KLHDC1: variants seen among roughly 807,000 people sequenced by gnomAD.
KLHDC1 encodes the protein kelch domain containing 1.
A neutral mutation model predicts 68.3 loss-of-function variants in KLHDC1; 53 were observed. That is an observed-to-expected ratio of 0.78 (90% CI 0.62 to 0.98). The LOEUF (loss-of-function observed/expected upper bound fraction) is 0.98. Among genes scored for constraint, KLHDC1 ranks in the 50% least tolerant of loss-of-function variants. KLHDC1 has a pLI of 0.00. For synonymous variants in KLHDC1, 148 were observed against 159.0 expected (o/e 0.93, Z 0.52); for missense variants, 470 against 492.3 (o/e 0.95, Z 0.43).
At chr14:49,725,996 G>T (rs1001579595) in intron 6 of KLHDC1, among the ~76,000 whole-genome samples, 1 of 151,890 alleles carries the variant, frequency 6.6e-6, no homozygotes, top group Non-Finnish European at 1.5e-5. Flanking sequence ...TACAGGCGTG[G>T]ACCACCATGC....
chr14:49,726,696 C>T (rs1055966633), intron 6 of KLHDC1, among the ~76,000 whole-genome samples: 17 of 152,256 alleles, frequency 1.1e-4, no homozygotes, highest in Admixed American at 1.1e-3. Context: ...AATGAATTCT[C>T]ACATAGCTGG....
intron 4 of KLHDC1, among the ~76,000 whole-genome samples, chr14:49,719,805 C>A (rs1047857722): frequency 1.3e-5 from 2 of 150,896 alleles, no homozygotes; most frequent in Non-Finnish European, 1.5e-5. Context: ...CTTTTTATTT[C>A]TTTCCTTTAT....
intron 1 of KLHDC1, among the ~76,000 whole-genome samples, chr14:49,702,168 CAAAA>C (rs56298211): frequency 4.2e-5 from 3 of 70,938 alleles, no homozygotes; most frequent in Admixed American, 1.5e-4. Flanking sequence ...AATTCTGTCT[CAAAA>C]AAAAAAAAAA....
intron 6 of KLHDC1, 134 bp downstream of exon 6, chr14:49,725,903 A>C (rs1169248981): frequency 1.9e-6 from 1 of 527,492 alleles, no homozygotes; most frequent in Non-Finnish European, 3.4e-6. Context: ...GCTGGAGTAC[A>C]GTGGCACAAT....
chr14:49,715,014 CTATTT>C (rs1888333504), intron 4 of KLHDC1, among the ~76,000 whole-genome samples: 1 of 144,862 alleles, frequency 6.9e-6, no homozygotes, highest in Admixed American at 6.9e-5. Context: ...TTATTTTTAT[CTATTT>C]TATATTTTAT....
rs982794531 is a variant in KLHDC1, at chr14:49,752,703, T to G, written c.*931T>G. 1 of 152,110 alleles carries G rather than the reference T, an allele frequency of 6.6e-6. No individual in the cohort carries two copies. The highest frequency in any genetic ancestry group is 1.5e-5 in the Non-Finnish European group (1 of 67,962). 9.4% of individuals were successfully genotyped at this position (152,110 alleles called of 1,614,324 possible). A position where few individuals can be genotyped will look rare whatever the true frequency, so the allele number is the denominator to read the frequency against. On this transcript the variant is annotated 3_prime_UTR_variant, in exon 13 of 13. Transcript: ENST00000359332. ...AAAATCTAATACCTTCCCTTGTATT[T>G]TCAGCATTACCATCTATACAGAAAT...
intron 5 of KLHDC1, among the ~76,000 whole-genome samples, chr14:49,725,012 G>A (rs1888630575): frequency 6.6e-6 from 1 of 151,938 alleles, no homozygotes; most frequent in Non-Finnish European, 1.5e-5. Context: ...TCTAAACTAA[G>A]TAAATTGTTT....
intron 1 of KLHDC1, among the ~76,000 whole-genome samples, chr14:49,699,748 A>G (rs960569819): frequency 1.5e-4 from 23 of 152,320 alleles, no homozygotes; most frequent in African/African-American, 5.3e-4. Context: ...AGGCACCCCC[A>G]GAGGTAAGAG....
chr14:49,693,341 C>T (rs755060850), intron 1 of KLHDC1, 51 bp downstream of exon 1: 1 of 1,268,938 alleles, frequency 7.9e-7, no homozygotes, highest in Middle Eastern at 2.1e-4. Flanking sequence ...GACCCTCGGC[C>T]TGAGCGGACG....
At chr14:49,709,619 T>G (rs1888146180) in intron 2 of KLHDC1, 90 bp from the exon 3 acceptor site, 1 of 625,380 alleles carries the variant, frequency 1.6e-6, no homozygotes, top group Non-Finnish European at 2.7e-6. Context: ...CAGTGACAGT[T>G]TTCACTGACA....
chr14:49,743,609 TTATG>T (rs1889121203), intron 11 of KLHDC1, 140 bp from the exon 12 acceptor site: 3 of 569,318 alleles, frequency 5.3e-6, no homozygotes, highest in Middle Eastern at 4.8e-4. Flanking sequence ...GTGCATGAAT[TTATG>T]TGTGTGTGTC....
intron 11 of KLHDC1, among the ~76,000 whole-genome samples, chr14:49,742,556 C>G (rs1889088758): frequency 6.6e-6 from 1 of 151,856 alleles, no homozygotes; most frequent in Non-Finnish European, 1.5e-5. Context: ...ACCTGTAATC[C>G]CAGCTACTCA....
At chr14:49,702,168 C>CAAAAAAA in intron 1 of KLHDC1, among the ~76,000 whole-genome samples, 1 of 70,946 alleles carries the variant, frequency 1.4e-5, no homozygotes, top group East Asian at 5.4e-4. Flanking sequence ...AATTCTGTCT[C>CAAAAAAA]AAAAAAAAAA....
At chr14:49,709,640 T>C (rs1033778708) in intron 2 of KLHDC1, 69 bp from the exon 3 acceptor site, 3 of 766,358 alleles carry the variant, frequency 3.9e-6, no homozygotes, top group South Asian at 2.1e-5. Context: ...AAAGTACTCA[T>C]GGAGTTTAAA....
intron 11 of KLHDC1, 46 bp from the exon 12 acceptor site, chr14:49,743,707 G>T: frequency 8.9e-7 from 1 of 1,117,822 alleles, no homozygotes. Context: ...TTAACTCATT[G>T]TTATTTTTAT....
At chr14:49,741,342 G>C (rs1043486902) in intron 11 of KLHDC1, among the ~76,000 whole-genome samples, 2 of 149,250 alleles carry the variant, frequency 1.3e-5, no homozygotes, top group African/African-American at 4.9e-5. Context: ...GGATTTCGCT[G>C]TTACCCAGGC....
chr14:49,733,578 C>T (rs1454745918), intron 9 of KLHDC1, among the ~76,000 whole-genome samples: 2 of 151,860 alleles, frequency 1.3e-5, no homozygotes, highest in African/African-American at 2.4e-5. Flanking sequence ...CAGGTGCCCA[C>T]CACCACGCTC....
chr14:49,742,949 G>C (rs564793368), intron 11 of KLHDC1, among the ~76,000 whole-genome samples: 36 of 151,716 alleles, frequency 2.4e-4, no homozygotes, highest in Admixed American at 7.2e-4. Context: ...GCCTGTTCCT[G>C]TGGTCCCAGC....
At chr14:49,746,558 G>T (rs1320949439) in intron 12 of KLHDC1, among the ~76,000 whole-genome samples, 3 of 151,970 alleles carry the variant, frequency 2.0e-5, no homozygotes, top group Non-Finnish European at 4.4e-5. Context: ...AAGCACTGTG[G>T]ATAGTACATA....
Sources: allele counts gnomAD v4.1 joint callset (sites outside exome capture counted in the v4.1 genomes callset), GRCh38; gene constraint gnomAD v4.1.1; transcripts MANE v1.5; gene names NCBI Gene and HGNC (gene_info 2026-07-23, HGNC 2026-07-21).